The following TRIM33 variants were observed in gnomAD, a reference collection of about 807,000 sequenced individuals.
TRIM33 encodes the protein E3 ubiquitin-protein ligase TRIM33.
In TRIM33, 20 loss-of-function variants were observed where a neutral mutation model predicts 125.4. That is an observed-to-expected ratio of 0.16 (90% confidence interval 0.11 to 0.23). The LOEUF is 0.23. Ranked by LOEUF, TRIM33 falls within the 10% of genes least tolerant of loss-of-function variation. The pLI is 1.00. For synonymous variants in TRIM33, 564 were observed against 513.9 expected, an observed-to-expected ratio of 1.10 and a Z score of -1.32; for missense variants, 920 against 1,411.4, an observed-to-expected ratio of 0.65 and a Z score of 5.58.
At chr1:114,458,281 T>C (rs1423473725) in intron 4 of TRIM33, among the ~76,000 whole-genome samples, 2 of 152,224 alleles carry the variant, frequency 1.3e-5, no homozygotes, top group Non-Finnish European at 2.9e-5. Context: ...TTTTTTATAA[T>C]TGCTTATTGC....
chr1:114,499,961 G>A (rs892662352), intron 1 of TRIM33, among the ~76,000 whole-genome samples: 1 of 152,212 alleles, frequency 6.6e-6, no homozygotes, highest in Non-Finnish European at 1.5e-5. Context: ...AGAATCAGAA[G>A]TTCAAGACCA....
intron 1 of TRIM33, among the ~76,000 whole-genome samples, chr1:114,490,300 G>A (rs886685117): frequency 1.3e-5 from 2 of 151,990 alleles, no homozygotes; most frequent in Non-Finnish European, 1.5e-5. Flanking sequence ...AATGCTCAAC[G>A]TCATTAGCCA....
At chr1:114,500,405 C>T (rs959951378) in intron 1 of TRIM33, among the ~76,000 whole-genome samples, 11 of 151,906 alleles carry the variant, frequency 7.2e-5, no homozygotes, top group Non-Finnish European at 1.6e-4. Context: ...CAAGTGCAAT[C>T]ATAGCACATT....
intron 15 of TRIM33, 73 bp downstream of exon 15, chr1:114,405,337 C>G (rs1460309776): frequency 1.7e-6 from 2 of 1,204,720 alleles, no homozygotes; most frequent in African/African-American, 3.0e-5. Flanking sequence ...AGGCCATCTG[C>G]CCTGAACATT....
At chr1:114,484,039 G>T (rs1651520078) in intron 1 of TRIM33, among the ~76,000 whole-genome samples, 1 of 152,082 alleles carries the variant, frequency 6.6e-6, no homozygotes. Context: ...GACACATCTG[G>T]GTCACTCAAG....
intron 11 of TRIM33, among the ~76,000 whole-genome samples, chr1:114,410,860 A>C (rs751299661): frequency 6.6e-6 from 1 of 152,138 alleles, no homozygotes; most frequent in Non-Finnish European, 1.5e-5. Flanking sequence ...AAGACCCATA[A>C]CTATGATTCT....
At chr1:114,454,365 A>G (rs1333241786) in intron 4 of TRIM33, among the ~76,000 whole-genome samples, 1 of 152,198 alleles carries the variant, frequency 6.6e-6, no homozygotes, top group African/African-American at 2.4e-5. Context: ...TTGAACCACC[A>G]GATAAACAAG....
At chr1:114,406,029 G>C (rs559346381) in intron 14 of TRIM33, among the ~76,000 whole-genome samples, 1 of 152,194 alleles carries the variant, frequency 6.6e-6, no homozygotes, top group Non-Finnish European at 1.5e-5. Context: ...ATTGGGAAGT[G>C]AGCATAGGGT....
intron 17 of TRIM33, 70 bp downstream of exon 17, chr1:114,401,319 C>G (rs1340065162): frequency 1.5e-6 from 2 of 1,345,082 alleles, no homozygotes; most frequent in African/African-American, 1.5e-5. Context: ...CCACCGCGCC[C>G]GGCCGCCAGA....
At chr1:114,450,507 A>C (rs1385666209) in intron 4 of TRIM33, among the ~76,000 whole-genome samples, 1 of 152,084 alleles carries the variant, frequency 6.6e-6, no homozygotes, top group African/African-American at 2.4e-5. Flanking sequence ...TAACGTTCCT[A>C]TTTTGATTCC....
chr1:114,405,758 A>G lies in TRIM33; in HGVS notation c.2420T>C (p.Leu807Ser). The G allele has an allele frequency of 6.3e-7, 1 of 1,594,934 alleles. No individual in the cohort carries two copies. Among genetic ancestry groups the G allele is most frequent in the Non-Finnish European group, 8.5e-7 (1 of 1,171,608 alleles). Residue 807 changes from leucine (L) to serine (S), a missense_variant and splice_region_variant, in exon 15 of 20, where the codon TTG (leucine) becomes TCG (serine). Coordinates refer to ENST00000358465, the MANE Select transcript of TRIM33 (RefSeq NM_015906.4). ...TEDGRRSACM[L>S]SSPESSLTPP... Reference sequence around the variant, plus strand: ...TGTCAAGCTACTCTCAGGACTGCTCAACTAAAACAAAACGATGACAAATTC... The same window carrying G: ...TGTCAAGCTACTCTCAGGACTGCTCGACTAAAACAAAACGATGACAAATTC...
At chr1:114,405,954 G>C (rs1252253266) in intron 14 of TRIM33, among the ~76,000 whole-genome samples, 195 bp from the exon 15 acceptor site, 1 of 151,940 alleles carries the variant, frequency 6.6e-6, no homozygotes, top group Non-Finnish European at 1.5e-5. Context: ...GATTTTAAGG[G>C]GTCTGCTCCT....
intron 4 of TRIM33, among the ~76,000 whole-genome samples, chr1:114,439,371 C>G (rs567034138): frequency 7.5e-5 from 11 of 146,706 alleles, no homozygotes; most frequent in African/African-American, 2.8e-4. Context: ...ACTCAGGAGG[C>G]TGAGGCAGGA....
chr1:114,434,258 G>T (rs1225423795), intron 4 of TRIM33, among the ~76,000 whole-genome samples: 1 of 152,142 alleles, frequency 6.6e-6, no homozygotes, highest in East Asian at 1.9e-4. Flanking sequence ...CTCCTGCCTT[G>T]GCCTCTCAAA....
At chr1:114,444,358 A>T (rs566955881) in intron 4 of TRIM33, among the ~76,000 whole-genome samples, 34 of 152,346 alleles carry the variant, frequency 2.2e-4, no homozygotes, top group African/African-American at 7.9e-4. Context: ...TATAAAGTTG[A>T]CACTGGAAGA....
At chr1:114,402,221 G>A (rs1339564814) in intron 16 of TRIM33, among the ~76,000 whole-genome samples, 1 of 152,158 alleles carries the variant, frequency 6.6e-6, no homozygotes, top group African/African-American at 2.4e-5. Flanking sequence ...AGGATTTTAA[G>A]CAAGGAAATG....
At chr1:114,504,312 C>T (rs972539893) in intron 1 of TRIM33, among the ~76,000 whole-genome samples, 1 of 152,058 alleles carries the variant, frequency 6.6e-6, no homozygotes, top group East Asian at 1.9e-4. Context: ...ACTACAGACA[C>T]GCACTACCAT....
At chr1:114,508,613 C>T (rs995475548) in intron 1 of TRIM33, among the ~76,000 whole-genome samples, 2 of 152,126 alleles carry the variant, frequency 1.3e-5, no homozygotes, top group Non-Finnish European at 2.9e-5. Flanking sequence ...CACCCCAGCC[C>T]TCACCCTCAC....
At chr1:114,421,677 A>G in intron 10 of TRIM33, 41 bp from the exon 11 acceptor site, 4 of 1,585,468 alleles carry the variant, frequency 2.5e-6, no homozygotes, top group Non-Finnish European at 3.5e-6. Context: ...GATCTGCCAG[A>G]ATCGCTGAAT....
Sources: allele counts gnomAD v4.1 joint callset (sites outside exome capture counted in the v4.1 genomes callset), GRCh38; gene constraint gnomAD v4.1.1; transcripts MANE v1.5; gene names NCBI Gene and HGNC (gene_info 2026-07-23, HGNC 2026-07-21).